The following PTPRD variants were observed in gnomAD, a reference collection of about 807,000 sequenced individuals.
PTPRD encodes the protein receptor-type tyrosine-protein phosphatase delta.
A neutral mutation model predicts 214.5 loss-of-function variants in PTPRD; 34 were observed. That is an observed-to-expected ratio of 0.16 (90% CI 0.12 to 0.21). The LOEUF (loss-of-function observed/expected upper bound fraction) is 0.21. Among genes scored for constraint, PTPRD ranks in the 10% least tolerant of loss-of-function variants. The probability of loss-of-function intolerance (pLI) is 1.00; values close to 1 mark genes in which losing one functional copy is unlikely to be tolerated. For synonymous variants in PTPRD, 1,128 were observed against 845.7 expected (o/e 1.33, Z -5.79); for missense variants, 2,545 against 2,398.7 (o/e 1.06, Z -1.27).
chr9:9,552,354 T>C (rs2080488656), intron 8 of PTPRD, among the ~76,000 whole-genome samples: 1 of 152,096 alleles, frequency 6.6e-6, no homozygotes. Flanking sequence ...TGCCATTTTC[T>C]ATATTTAGTC....
chr9:10,249,881 A>G (rs2092608946), intron 3 of PTPRD, among the ~76,000 whole-genome samples: 1 of 152,144 alleles, frequency 6.6e-6, no homozygotes, highest in African/African-American at 2.4e-5. Context: ...GCTACATTTG[A>G]AAAAAATAAA....
chr9:8,666,976 T>C (rs1273127963), intron 12 of PTPRD, among the ~76,000 whole-genome samples: 2 of 152,164 alleles, frequency 1.3e-5, no homozygotes, highest in Non-Finnish European at 2.9e-5. Flanking sequence ...TGTATGCACA[T>C]TATCTATAAC....
intron 12 of PTPRD, among the ~76,000 whole-genome samples, chr9:8,680,666 T>C (rs1052992853): frequency 6.6e-6 from 1 of 152,254 alleles, no homozygotes; most frequent in South Asian, 2.1e-4. Context: ...AAAATACAGA[T>C]ACTATATAAA....
chr9:8,834,907 C>T (rs1290488862), intron 11 of PTPRD, among the ~76,000 whole-genome samples: 2 of 152,216 alleles, frequency 1.3e-5, no homozygotes, highest in Non-Finnish European at 2.9e-5. Context: ...ACGCAGGCAG[C>T]TTAGTGAGTA....
chr9:10,354,923 C>T (rs2097249488), intron 2 of PTPRD, among the ~76,000 whole-genome samples: 2 of 152,108 alleles, frequency 1.3e-5, no homozygotes, highest in Admixed American at 1.3e-4. Context: ...GCATGTGTCC[C>T]ATTGTCCTTG....
At chr9:9,687,739 C>T (rs2097190902) in intron 7 of PTPRD, among the ~76,000 whole-genome samples, 1 of 151,640 alleles carries the variant, frequency 6.6e-6, no homozygotes, top group African/African-American at 2.4e-5. Context: ...TTATTGGTCT[C>T]AATTGGTCAA....
intron 14 of PTPRD, among the ~76,000 whole-genome samples, chr9:8,607,999 A>G (rs2095300053): frequency 6.6e-6 from 1 of 152,238 alleles, no homozygotes; most frequent in Non-Finnish European, 1.5e-5. Flanking sequence ...GGCTGCAAAC[A>G]TCTGTGATTA....
At chr9:8,688,141 T>C (rs1286492096) in intron 12 of PTPRD, among the ~76,000 whole-genome samples, 1 of 152,220 alleles carries the variant, frequency 6.6e-6, no homozygotes, top group Admixed American at 6.5e-5. Flanking sequence ...GCTGAATAAA[T>C]GTATCGTTTT....
intron 4 of PTPRD, among the ~76,000 whole-genome samples, chr9:9,947,553 A>T (rs1400134585): frequency 1.4e-4 from 4 of 28,614 alleles, no homozygotes; most frequent in South Asian, 8.5e-4. Flanking sequence ...TATATATATT[A>T]TATATATATT....
chr9:9,643,949 T>C (rs1206612387), intron 7 of PTPRD, among the ~76,000 whole-genome samples: 7 of 152,224 alleles, frequency 4.6e-5, no homozygotes, highest in Admixed American at 4.6e-4. Flanking sequence ...GTTGTACAAC[T>C]ATTACCATTG....
intron 11 of PTPRD, among the ~76,000 whole-genome samples, chr9:8,938,402 G>C (rs1030429811): frequency 3.3e-5 from 5 of 152,074 alleles, no homozygotes; most frequent in Non-Finnish European, 7.4e-5. Flanking sequence ...TAAGAGATGT[G>C]ACATATAATC....
intron 35 of PTPRD, among the ~76,000 whole-genome samples, chr9:8,428,322 T>G (rs893832399): frequency 6.6e-6 from 1 of 152,226 alleles, no homozygotes; most frequent in Admixed American, 6.5e-5. Context: ...GATTCTGATC[T>G]GGAATAGTAA....
intron 12 of PTPRD, among the ~76,000 whole-genome samples, chr9:8,703,029 C>T (rs1277774382): frequency 6.6e-6 from 1 of 152,158 alleles, no homozygotes; most frequent in Non-Finnish European, 1.5e-5. Context: ...AGACAATTTC[C>T]AATTACATAA....
intron 10 of PTPRD, among the ~76,000 whole-genome samples, chr9:9,047,141 A>T (rs2099674207): frequency 6.6e-6 from 1 of 152,128 alleles, no homozygotes; most frequent in Non-Finnish European, 1.5e-5. Context: ...AAAAGAAATA[A>T]AAAAATACTG....
At chr9:9,677,245 G>C (rs1014030227) in intron 7 of PTPRD, among the ~76,000 whole-genome samples, 1 of 151,900 alleles carries the variant, frequency 6.6e-6, no homozygotes, top group South Asian at 2.1e-4. Context: ...TGTCTTCCAG[G>C]GTTTTTATGG....
intron 3 of PTPRD, among the ~76,000 whole-genome samples, chr9:10,209,913 G>A (rs1179684130): frequency 6.6e-6 from 1 of 152,032 alleles, no homozygotes; most frequent in African/African-American, 2.4e-5. Flanking sequence ...CTTTTGTTTT[G>A]ATTAGGACAA....
intron 11 of PTPRD, among the ~76,000 whole-genome samples, chr9:9,004,159 C>T (rs1423593207): frequency 6.6e-6 from 1 of 151,964 alleles, no homozygotes; most frequent in East Asian, 1.9e-4. Flanking sequence ...ATCAGAACTC[C>T]TCAAATTATT....
intron 9 of PTPRD, among the ~76,000 whole-genome samples, chr9:9,348,704 C>G (rs1429156421): frequency 1.3e-5 from 2 of 152,102 alleles, no homozygotes; most frequent in Admixed American, 1.3e-4. Flanking sequence ...ATGGCATCTT[C>G]ACCTACTCTC....
chr9:8,685,329 T>C (rs1210418460), intron 12 of PTPRD, among the ~76,000 whole-genome samples: 1 of 151,854 alleles, frequency 6.6e-6, no homozygotes, highest in Non-Finnish European at 1.5e-5. Context: ...AGCAATACTC[T>C]TTCTTTACAA....
Sources: gnomAD v4.1 joint callset for allele counts (sites outside exome capture counted in the v4.1 genomes callset) on GRCh38, gnomAD v4.1.1 for gene constraint, MANE v1.5 for transcripts, NCBI Gene and HGNC (gene_info 2026-07-23, HGNC 2026-07-21) for gene names.